BCL2L11: variants seen among roughly 807,000 people sequenced by gnomAD.
BCL2L11 encodes the protein bcl-2-like protein 11.
BCL2L11 carries 15 observed loss-of-function variants against 20.6 expected under a neutral mutation model. The ratio of observed to expected loss-of-function variants is 0.73; its 90% CI spans 0.49 to 1.12. The LOEUF (loss-of-function observed/expected upper bound fraction) is 1.12, where lower values mean the gene tolerates loss of function less well. BCL2L11 is among the 50% of genes most tolerant of loss of function. BCL2L11 has a pLI of 0.00. For missense variants in BCL2L11, 292 were observed against 260.9 expected (o/e 1.12, Z -0.82); for synonymous variants, 108 against 92.8 (o/e 1.16, Z -0.94).
chr2:111,137,146 T>A (rs1456452575), intron 2 of BCL2L11, among the ~76,000 whole-genome samples: 2 of 152,200 alleles, frequency 1.3e-5, no homozygotes, highest in Admixed American at 6.5e-5. Flanking sequence ...AGAGTACTTG[T>A]AGTAGGTTTA....
intron 2 of BCL2L11, among the ~76,000 whole-genome samples, chr2:111,125,389 A>G (rs1327850726): frequency 1.3e-5 from 2 of 152,252 alleles, no homozygotes; most frequent in Non-Finnish European, 2.9e-5. Flanking sequence ...CTTGATCAGT[A>G]GTCAATCACA....
chr2:111,142,434 CA>C, intron 2 of BCL2L11: 1 of 1,469,332 alleles, frequency 6.8e-7, no homozygotes, highest in South Asian at 1.2e-5. Flanking sequence ...TAAAAAGAAG[CA>C]GCTGCCTTTT....
chr2:111,122,650 G>T, intron 1 of BCL2L11: 2 of 984,144 alleles, frequency 2.0e-6, no homozygotes, highest in South Asian at 4.5e-5. Context: ...GGGAGGAGGC[G>T]GAGGATGTTC....
intron 3 of BCL2L11, among the ~76,000 whole-genome samples, chr2:111,160,679 G>T (rs981938032): frequency 6.6e-6 from 1 of 152,200 alleles, no homozygotes; most frequent in African/African-American, 2.4e-5. Flanking sequence ...GTGTGTCTGC[G>T]TAGAGAAAGT....
Position 111,151,597 on chromosome 2 carries a change from T to G in BCL2L11, c.498+1450T>G, listed in dbSNP as rs138681666. Among the ~76,000 whole-genome samples, 782 of 152,332 alleles carry G rather than the reference T, an allele frequency of 5.1e-3. 10 individuals are homozygous for G. The highest frequency in any genetic ancestry group is 0.017 in the African/African-American group (727 of 41,566). On this transcript the variant is annotated intron_variant, in intron 3 of 3. Transcript: ENST00000393256. ...TTTGATTATTATTTTTCTGCCTTTA[T>G]ACAATGTGTTTTAGGCTTCTTTTAG...
chr2:111,150,746 T>C (rs2077147887), intron 3 of BCL2L11, among the ~76,000 whole-genome samples: 1 of 152,246 alleles, frequency 6.6e-6, no homozygotes, highest in Non-Finnish European at 1.5e-5. Context: ...TTGCCACTTA[T>C]TTTGAGCTAT....
At chr2:111,154,938 T>C (rs2077651412) in intron 3 of BCL2L11, among the ~76,000 whole-genome samples, 1 of 152,204 alleles carries the variant, frequency 6.6e-6, no homozygotes, top group Non-Finnish European at 1.5e-5. Context: ...GGAGAACCAG[T>C]TGTGGGACAA....
chr2:111,163,972 A>G (rs2078887170), intron 3 of BCL2L11, among the ~76,000 whole-genome samples, 161 bp from the exon 4 acceptor site: 1 of 147,758 alleles, frequency 6.8e-6, no homozygotes, highest in Admixed American at 7.0e-5. Flanking sequence ...AGTTTTCTTC[A>G]CAATCTCTGG....
In BCL2L11 at chr2:111,135,930, C is replaced by G. The variant is rs114324307; in HGVS notation, c.394+11791C>G. 1.7e-3 allele frequency among the ~76,000 whole-genome samples: 255 copies of G among 152,328 alleles called. 2 individuals carry two copies. The highest frequency in any genetic ancestry group is 6.0e-3 in the African/African-American group (251 of 41,578). On this transcript the variant is annotated intron_variant, in intron 2 of 3. Transcript: ENST00000393256. ...CTTTGGCAGGGCAGCCGGATCACCT[C>G]TGCCTGCTTCTGCCAGGGAGGGTCT...
At chr2:111,161,405 CTT>C in intron 3 of BCL2L11, 1 of 1,550,410 alleles carries the variant, frequency 6.4e-7, no homozygotes, top group South Asian at 1.2e-5. Flanking sequence ...CTTAAATGCA[CTT>C]TTGATTCACA....
intron 3 of BCL2L11, chr2:111,161,469 G>A: frequency 6.4e-7 from 1 of 1,550,398 alleles, no homozygotes. Context: ...AGACTTATTG[G>A]ACACTAGGCG....
rs76283775 is a variant in BCL2L11 at position 111,152,047 on chromosome 2, A to G, written c.498+1900A>G. Among the ~76,000 whole-genome samples, 1,509 of 152,336 alleles carry G rather than the reference A, an allele frequency of 9.9e-3. 32 individuals are homozygous for G. The highest frequency in any genetic ancestry group is 0.034 in the African/African-American group (1,409 of 41,574). On this transcript the variant is annotated intron_variant, in intron 3 of 3. Coordinates refer to ENST00000393256, the MANE Select transcript of BCL2L11 (RefSeq NM_138621.5). ...TATTGACTAGGAAGAACTGGTGAGA[A>G]GTGGGACCACAGTGTATTCAGGATC...
chr2:111,129,493 C>T (rs2073440469), intron 2 of BCL2L11, among the ~76,000 whole-genome samples: 1 of 152,014 alleles, frequency 6.6e-6, no homozygotes, highest in South Asian at 2.1e-4. Context: ...GGAAATAATA[C>T]AAAGAAATTG....
In BCL2L11 at chr2:111,128,607, T is replaced by C. The variant is rs1159485702; in HGVS notation, c.394+4468T>C. On this transcript the variant is annotated intron_variant, in intron 2 of 3. Transcript: ENST00000393256. ...TTCTCCACATACTTACCAACACTTT[T>C]TTTTTTTTTTTTTTAACAGTAGTCA... 3 of 1,394,630 alleles carry C rather than the reference T, an allele frequency of 2.2e-6. No individual in the cohort carries two copies. The South Asian group carries it at 4.3e-5, about 20-fold the overall frequency. The allele number at this position is 1,394,630 out of a possible 1,614,324, so 86.4% of individuals were successfully genotyped here.
intron 2 of BCL2L11, among the ~76,000 whole-genome samples, chr2:111,142,866 C>T (rs1290897184): frequency 6.6e-6 from 1 of 152,182 alleles, no homozygotes; most frequent in Non-Finnish European, 1.5e-5. Context: ...TGGCTAGAAA[C>T]AACTTACAGT....
chr2:111,154,791 T>C (rs759684605), intron 3 of BCL2L11, among the ~76,000 whole-genome samples: 7 of 152,262 alleles, frequency 4.6e-5, no homozygotes, highest in Non-Finnish European at 1.0e-4. Flanking sequence ...TTCTCTCTTA[T>C]ATAGTTATTT....
chr2:111,142,271 A>T (rs1319820134), intron 2 of BCL2L11: 6 of 1,499,350 alleles, frequency 4.0e-6, no homozygotes, highest in Non-Finnish European at 4.5e-6. Flanking sequence ...GTCTGGGAAG[A>T]CATGGCACAA....
At chr2:111,161,357 C>T in intron 3 of BCL2L11, 1 of 1,529,990 alleles carries the variant, frequency 6.5e-7, no homozygotes, top group South Asian at 1.2e-5. Flanking sequence ...GAAAGACAGT[C>T]TGTCTTTTTT....
chr2:111,156,665 T>C (rs2150553880), intron 3 of BCL2L11, among the ~76,000 whole-genome samples: 1 of 152,188 alleles, frequency 6.6e-6, no homozygotes, highest in East Asian at 1.9e-4. Flanking sequence ...GAAGCCAGAG[T>C]GTGATCTCGT....
Sources: gnomAD v4.1 joint callset for allele counts (sites outside exome capture counted in the v4.1 genomes callset) on GRCh38, gnomAD v4.1.1 for gene constraint, MANE v1.5 for transcripts, NCBI Gene and HGNC (gene_info 2026-07-23, HGNC 2026-07-21) for gene names.